SUCLA2: variants seen among roughly 807,000 people sequenced by gnomAD.
SUCLA2 encodes succinate--CoA ligase [ADP-forming] subunit beta, mitochondrial.
SUCLA2 carries 30 observed loss-of-function variants against 54.8 expected under a neutral mutation model. That is an observed-to-expected ratio of 0.55 (90% CI 0.41 to 0.74). The LOEUF is 0.74. Among genes scored for constraint, SUCLA2 ranks in the 30% least tolerant of loss-of-function variants. SUCLA2 has a pLI of 0.00. For missense variants in SUCLA2, 476 were observed against 562.9 expected, an observed-to-expected ratio of 0.85 and a Z score of 1.56; for synonymous variants, 172 against 188.9, an observed-to-expected ratio of 0.91 and a Z score of 0.74.
chr13:47,986,577 G>A (rs1322018225), intron 4 of SUCLA2, among the ~76,000 whole-genome samples: 3 of 152,176 alleles, frequency 2.0e-5, no homozygotes, highest in East Asian at 1.9e-4. Context: ...TTTTGCTTTT[G>A]TTGCAATTGC....
rs982953863 is a variant in SUCLA2 at position 47,963,569 on chromosome 13, C to T, written c.802+5026G>A. ...CCGAGACAGGAGAATCGCCTGAACCCGGGAGGCGGAGGTTGCAGTGAGCTG... is the reference window on the plus strand; with the variant it reads ...CCGAGACAGGAGAATCGCCTGAACCTGGGAGGCGGAGGTTGCAGTGAGCTG... On this transcript the variant is annotated intron_variant, in intron 6 of 10. Coordinates refer to ENST00000646932, the MANE Select transcript of SUCLA2 (RefSeq NM_003850.3). 2.2e-4 allele frequency among the ~76,000 whole-genome samples: 34 copies of T among 152,132 alleles called. 1 individual carries two copies. The East Asian group carries it at 3.5e-3, about 16-fold the overall frequency.
chr13:47,988,049 A>G (rs1009126042), intron 4 of SUCLA2: 2 of 157,664 alleles, frequency 1.3e-5, no homozygotes, highest in Admixed American at 6.4e-5. Flanking sequence ...ATTGTTTGCT[A>G]CTTAATGTCA....
In SUCLA2 at chr13:47,968,722, C is replaced by T. The variant is rs1566086305; in HGVS notation, c.675G>A (p.Lys225=). 1.2e-6 allele frequency: 2 copies of T among 1,612,434 alleles called. No homozygotes were observed. The highest frequency in any genetic ancestry group is 3.3e-5 in the Admixed American group (2 of 60,002). Residue 225 remains lysine (K), a synonymous_variant, in exon 6 of 11, where the codon AAG becomes AAA. Transcript: ENST00000646932. ...KKEQALQLAQ[K]MGFPPNIVES... ...CCACAATATTAGGTGGAAATCCCAT[C>T]TTCTGTGCAAGCTGAAATCAATATG... is the stretch of plus-strand genomic sequence containing the variant.
intron 2 of SUCLA2, among the ~76,000 whole-genome samples, chr13:47,996,103 C>G (rs559173574): frequency 1.3e-5 from 2 of 152,062 alleles, no homozygotes; most frequent in South Asian, 4.2e-4. Context: ...GCGGGCAGAT[C>G]ACGAGGTCAG....
intron 6 of SUCLA2, among the ~76,000 whole-genome samples, chr13:47,963,329 T>C (rs922411485): frequency 2.0e-5 from 3 of 152,214 alleles, no homozygotes; most frequent in South Asian, 2.1e-4. Context: ...GTTATCAGTA[T>C]AAATTTGGAG....
rs1317446969 is a variant in SUCLA2 at position 47,968,632 on chromosome 13, T to C, written c.765A>G (p.Ile255Met). ...SLFLKYDATMIEINPMVEDSD... is the reference protein window; with the variant it reads ...SLFLKYDATMMEINPMVEDSD... ...AATCTTCCACCATTGGATTTATTTC[T>C]ATCATGGTTGCATCGTATTTCAGAA... is the stretch of plus-strand genomic sequence containing the variant. The change falls in exon 6 of 11, where the codon ATA (isoleucine) becomes ATG (methionine). Residue 255 changes from isoleucine to methionine, a missense_variant. Transcript: ENST00000646932. 1.9e-6 allele frequency: 3 copies of C among 1,611,698 alleles called. No individual in the cohort carries two copies. Among genetic ancestry groups the C allele is most frequent in the Non-Finnish European group, 1.7e-6 (2 of 1,179,782 alleles).
intron 4 of SUCLA2, among the ~76,000 whole-genome samples, chr13:47,981,200 A>G (rs1287994965): frequency 6.6e-6 from 1 of 152,178 alleles, no homozygotes; most frequent in African/African-American, 2.4e-5. Flanking sequence ...CCATATATCT[A>G]GTTAAAAGCT....
At chr13:47,945,788 AT>A (rs1313123496) in intron 10 of SUCLA2, 1 of 152,224 alleles carries the variant, frequency 6.6e-6, no homozygotes, top group Non-Finnish European at 1.5e-5. Context: ...TAAAAAAGTC[AT>A]TAAGTTTTAA....
At chr13:47,992,090 T>A (rs554574292) in intron 2 of SUCLA2, among the ~76,000 whole-genome samples, 11 of 152,160 alleles carry the variant, frequency 7.2e-5, no homozygotes, top group Non-Finnish European at 1.5e-4. Context: ...TTTGTTTATA[T>A]CCGAAGAAGA....
intron 4 of SUCLA2, among the ~76,000 whole-genome samples, chr13:47,980,647 G>A (rs1225758229): frequency 2.0e-5 from 3 of 149,470 alleles, no homozygotes; most frequent in Non-Finnish European, 3.0e-5. Context: ...AAACAATCTC[G>A]AGAAAAAAAA....
At chr13:47,975,152 C>G (rs1414921642) in intron 4 of SUCLA2, among the ~76,000 whole-genome samples, 2 of 149,068 alleles carry the variant, frequency 1.3e-5, no homozygotes, top group African/African-American at 2.5e-5. Flanking sequence ...TTCCACTTTT[C>G]TTTCTTTCTT....
In SUCLA2 at chr13:47,988,795, T is replaced by C; in HGVS notation, c.371+87A>G. ...GCCAAAATTTTATCTCATCTAATAT[T>C]TAAATTTCAGTATTTTCATCAATTC... On this transcript the variant is annotated intron_variant, in intron 3 of 10. Coordinates refer to ENST00000646932, the MANE Select transcript of SUCLA2 (RefSeq NM_003850.3). 3 of 1,593,860 alleles carry C rather than the reference T, an allele frequency of 1.9e-6. No individual in the cohort carries two copies. The Admixed American group carries it at 5.0e-5, about 27-fold the overall frequency.
intron 6 of SUCLA2, among the ~76,000 whole-genome samples, chr13:47,964,593 C>T (rs987897525): frequency 4.6e-5 from 7 of 152,118 alleles, no homozygotes; most frequent in Admixed American, 4.6e-4. Context: ...CGTGGTGGCT[C>T]AAGCCTGTAA....
intron 5 of SUCLA2, chr13:47,971,785 G>A (rs1021515516): frequency 5.0e-6 from 2 of 397,602 alleles, no homozygotes; most frequent in Non-Finnish European, 8.9e-6. Context: ...GGGGACACAG[G>A]AATATTTTAA....
chr13:47,959,735 A>G (rs1017442260), intron 6 of SUCLA2, among the ~76,000 whole-genome samples: 4 of 152,224 alleles, frequency 2.6e-5, no homozygotes, highest in African/African-American at 9.6e-5. Context: ...AGATTCTTTA[A>G]AACCTGAGAA....
chr13:47,960,702 G>GT (rs1949863727), intron 6 of SUCLA2, among the ~76,000 whole-genome samples: 1 of 150,074 alleles, frequency 6.7e-6, no homozygotes, highest in Admixed American at 6.6e-5. Flanking sequence ...GAATTAAGTA[G>GT]TTAAAAAAAA....
At chr13:47,949,349 T>C (rs1158079005) in intron 9 of SUCLA2, 134 bp downstream of exon 9, 7 of 1,098,206 alleles carry the variant, frequency 6.4e-6, no homozygotes, top group African/African-American at 4.8e-5. Flanking sequence ...TTAAAAACTA[T>C]AGTTTTAATT....
At chr13:47,963,846 A>G (rs925401201) in intron 6 of SUCLA2, among the ~76,000 whole-genome samples, 2 of 152,244 alleles carry the variant, frequency 1.3e-5, no homozygotes, top group Non-Finnish European at 2.9e-5. Flanking sequence ...TGTTTTCCAC[A>G]AAAAGAAGCC....
intron 4 of SUCLA2, among the ~76,000 whole-genome samples, chr13:47,978,908 G>C (rs906293726): frequency 1.3e-5 from 2 of 152,140 alleles, no homozygotes; most frequent in Admixed American, 6.6e-5. Flanking sequence ...AAAAACATAC[G>C]AAAAAAAGCT....
Sources: gnomAD v4.1 joint callset for allele counts (sites outside exome capture counted in the v4.1 genomes callset) on GRCh38, gnomAD v4.1.1 for gene constraint, MANE v1.5 for transcripts, NCBI Gene and HGNC (gene_info 2026-07-23, HGNC 2026-07-21) for gene names.